The following PECAM1 variants were observed in gnomAD, a reference collection of about 807,000 sequenced individuals.
PECAM1 encodes platelet endothelial cell adhesion molecule.
A neutral mutation model predicts 13.8 loss-of-function variants in PECAM1; 8 were observed. The observed-to-expected ratio is 0.58, with a 90% CI of 0.34 to 1.05. PECAM1 has a LOEUF of 1.05. Ranked by LOEUF, PECAM1 falls within the 50% of genes least tolerant of loss-of-function variation. The pLI, the probability that PECAM1 is intolerant of heterozygous loss-of-function variation, is 0.03. For missense variants in PECAM1, 304 were observed against 141.2 expected (o/e 2.15, Z -5.84); for synonymous variants, 136 against 52.6 (o/e 2.58, Z -6.86).
chr17:64,363,557 G>C (rs890376886), intron 5 of PECAM1, among the ~76,000 whole-genome samples, 160 bp from the exon 6 acceptor site: 1 of 152,158 alleles, frequency 6.6e-6, no homozygotes, highest in Non-Finnish European at 1.5e-5. Context: ...GATCACCCCA[G>C]TAAGGAGCTA....
chr17:64,358,272 C>T (rs1474325899), intron 7 of PECAM1, among the ~76,000 whole-genome samples: 1 of 152,062 alleles, frequency 6.6e-6, no homozygotes, highest in Non-Finnish European at 1.5e-5. Flanking sequence ...GCACCCACCA[C>T]CACGCTGGGC....
In PECAM1 at chr17:64,383,611, T is replaced by C. The variant is rs1039034085; in HGVS notation, c.92-5494A>G. On this transcript the variant is annotated intron_variant, in intron 2 of 15. Coordinates refer to ENST00000563924, the MANE Select transcript of PECAM1 (RefSeq NM_000442.5). ...TCATTCTGCACTCCACAACTCTTCC[T>C]ACTCTGGGCCTTCCAGCCTCAGCAC... Among the ~76,000 whole-genome samples the C allele has an allele frequency of 5.6e-3, 851 of 152,336 alleles. 11 individuals carry two copies. The highest frequency in any genetic ancestry group is 0.019 in the African/African-American group (803 of 41,580).
intron 14 of PECAM1, among the ~76,000 whole-genome samples, chr17:64,333,727 G>A (rs1366117810): frequency 1.3e-5 from 2 of 151,798 alleles, no homozygotes; most frequent in Non-Finnish European, 2.9e-5. Context: ...GGAGGCTGAG[G>A]CGGGCGGATT....
chr17:64,368,065 C>T (rs2036152848), intron 5 of PECAM1, among the ~76,000 whole-genome samples: 2 of 152,208 alleles, frequency 1.3e-5, no homozygotes, highest in South Asian at 2.1e-4. Flanking sequence ...AATGAATGAA[C>T]GTTATGAATG....
rs1281663753 is a variant in PECAM1 at position 64,322,689 on chromosome 17, A to G, written c.*1127T>C. ...ACTGTCAGGAATGTCTTAAGACCTC[A>G]GGAGACCACTTCTTTAGCAAGCAAT... On this transcript the variant is annotated 3_prime_UTR_variant, in exon 16 of 16. Coordinates refer to ENST00000563924, the MANE Select transcript of PECAM1 (RefSeq NM_000442.5). 1 of 984,430 alleles carries G rather than the reference A, an allele frequency of 1.0e-6. No homozygotes were observed. Among genetic ancestry groups the G allele is most frequent in the Non-Finnish European group, 1.2e-6 (1 of 829,744 alleles). The allele number at this position is 984,430 out of a possible 1,614,324, so 61.0% of individuals were successfully genotyped here.
chr17:64,359,112 T>C (rs943878126), intron 7 of PECAM1, among the ~76,000 whole-genome samples: 2 of 152,226 alleles, frequency 1.3e-5, no homozygotes, highest in African/African-American at 4.8e-5. Flanking sequence ...TTAATGTTAA[T>C]TGAAAAGGTA....
chr17:64,345,153 C>A (rs886497523), intron 13 of PECAM1, among the ~76,000 whole-genome samples: 2 of 152,174 alleles, frequency 1.3e-5, no homozygotes, highest in Non-Finnish European at 2.9e-5. Flanking sequence ...TCCCTTCAAC[C>A]CTTCCCCACC....
Position 64,390,526 on chromosome 17 carries a change from C to T in PECAM1, c.65-11G>A, listed in dbSNP as rs2036692915. 4.2e-6 allele frequency: 2 copies of T among 474,274 alleles called. No homozygotes were observed. The highest frequency in any genetic ancestry group is 7.7e-6 in the Non-Finnish European group (2 of 258,554). 29.4% of individuals were successfully genotyped at this position (474,274 alleles called of 1,614,324 possible). The stretch of plus-strand genomic sequence containing the variant: ...CCTCAAGGCTTGAACCTGCAAGAAA[C>T]ATAAGAAACATGTTGATTCCAGAAG... On this transcript the variant is annotated splice_polypyrimidine_tract_variant and intron_variant, in intron 1 of 15. Coordinates refer to ENST00000563924, the MANE Select transcript of PECAM1 (RefSeq NM_000442.5).
chr17:64,328,891 G>A (rs2035028354), intron 15 of PECAM1, among the ~76,000 whole-genome samples: 1 of 152,214 alleles, frequency 6.6e-6, no homozygotes, highest in African/African-American at 2.4e-5. Flanking sequence ...GTGGGCCTCT[G>A]TGTCTTTCAT....
rs2036397753 is a variant in PECAM1 at position 64,377,834 on chromosome 17, C to T, written c.375G>A (p.Val125=). The T allele has an allele frequency of 2.1e-6, 1 of 475,338 alleles. No individual in the cohort carries two copies. The highest frequency in any genetic ancestry group is 3.9e-6 in the Non-Finnish European group (1 of 259,096). The allele number at this position is 475,338 out of a possible 1,614,324, so 29.4% of individuals were successfully genotyped here. Residue 125 remains valine, a synonymous_variant, in exon 3 of 16, where the codon GTG becomes GTA. Coordinates refer to ENST00000563924, the MANE Select transcript of PECAM1 (RefSeq NM_000442.5). ...NKEKTTAEYQ[V]LVEGVPSPRV... ...GTTCCAAGGACTCACCTTCCACCAA[C>T]ACCTGGTACTCTGCAGTGGTTTTCT...
In PECAM1 at chr17:64,323,814, G is replaced by A. The variant is rs2034867524; in HGVS notation, c.*2C>T. 1.1e-6 allele frequency: 1 copy of A among 888,690 alleles called. No individual in the cohort carries two copies. Among genetic ancestry groups the A allele is most frequent in the Non-Finnish European group, 1.9e-6 (1 of 516,968 alleles). 55.1% of individuals were successfully genotyped at this position (888,690 alleles called of 1,614,324 possible). ...CCAGGGATGTGCATCTGGCCTTGCTGTCTAAGTTCCATCAAGGGAGCCTTC... is the reference window on the plus strand; with the variant it reads ...CCAGGGATGTGCATCTGGCCTTGCTATCTAAGTTCCATCAAGGGAGCCTTC... On this transcript the variant is annotated 3_prime_UTR_variant, in exon 16 of 16. Transcript: ENST00000563924.
chr17:64,362,259 T>G (rs909013323), intron 6 of PECAM1, among the ~76,000 whole-genome samples: 7 of 152,206 alleles, frequency 4.6e-5, no homozygotes, highest in African/African-American at 1.2e-4. Flanking sequence ...CATTCAGGCC[T>G]GAGAAGCCCA....
intron 14 of PECAM1, among the ~76,000 whole-genome samples, chr17:64,336,969 A>T (rs2035295929): frequency 6.6e-6 from 1 of 152,036 alleles, no homozygotes; most frequent in Non-Finnish European, 1.5e-5. Context: ...GAAAGAAAGG[A>T]AGAAAAAGAA....
intron 14 of PECAM1, among the ~76,000 whole-genome samples, chr17:64,334,466 C>A (rs890138320): frequency 6.6e-6 from 1 of 152,116 alleles, no homozygotes; most frequent in Non-Finnish European, 1.5e-5. Flanking sequence ...CTCCGCTCTG[C>A]ACCCAGCTGG....
intron 5 of PECAM1, among the ~76,000 whole-genome samples, chr17:64,368,934 T>TA (rs2036174730): frequency 9.7e-6 from 1 of 103,364 alleles, no homozygotes; most frequent in Admixed American, 8.9e-5. Context: ...GTCATTTCTT[T>TA]TTTTTTTTTT....
In PECAM1 at chr17:64,334,279, G is replaced by A. The variant is rs73996454; in HGVS notation, c.2165-4557C>T. ...CCCTGGGGCTGCTCCTTGGAGGCAG[G>A]CCTGCCCCATGCCCTATTGCTTATC... On this transcript the variant is annotated intron_variant, in intron 14 of 15. Transcript: ENST00000563924. Among the ~76,000 whole-genome samples, 443 of 152,206 alleles carry A rather than the reference G, an allele frequency of 2.9e-3. 4 individuals carry two copies. Among genetic ancestry groups the A allele is most frequent in the African/African-American group, 0.011 (438 of 41,506 alleles).
rs1196555487 is a variant in PECAM1, at chr17:64,321,541, T to G, written c.*2275A>C. Reference sequence around the variant, plus strand: ...GCGAGGCCAAGGAGGGAGGATCACTTGAGCCCAGAAGTTCGAGACCAGCCT... The same window carrying G: ...GCGAGGCCAAGGAGGGAGGATCACTGGAGCCCAGAAGTTCGAGACCAGCCT... On this transcript the variant is annotated 3_prime_UTR_variant, in exon 16 of 16. Coordinates refer to ENST00000563924, the MANE Select transcript of PECAM1 (RefSeq NM_000442.5). The G allele has an allele frequency of 9.3e-6, 7 of 749,406 alleles. No individual in the cohort carries two copies. Among genetic ancestry groups the G allele is most frequent in the Non-Finnish European group, 1.2e-5 (7 of 601,746 alleles). 46.4% of individuals were successfully genotyped at this position (749,406 alleles called of 1,614,324 possible).
chr17:64,353,689 G>A (rs1440913540), intron 9 of PECAM1, among the ~76,000 whole-genome samples, 171 bp from the exon 10 acceptor site: 2 of 151,968 alleles, frequency 1.3e-5, no homozygotes, highest in African/African-American at 4.8e-5. Flanking sequence ...TTTCAGCTAC[G>A]TTTGACTTCC....
chr17:64,351,714 A>AG (rs1358077897), intron 11 of PECAM1, among the ~76,000 whole-genome samples: 3 of 152,156 alleles, frequency 2.0e-5, no homozygotes, highest in Non-Finnish European at 2.9e-5. Flanking sequence ...TAAAAAAAAA[A>AG]GAAAGAAAGA....
Sources: gnomAD v4.1 joint callset for allele counts (sites outside exome capture counted in the v4.1 genomes callset) on GRCh38, gnomAD v4.1.1 for gene constraint, MANE v1.5 for transcripts, NCBI Gene and HGNC (gene_info 2026-07-23, HGNC 2026-07-21) for gene names.